RBFOX1: variants seen among roughly 807,000 people sequenced by gnomAD.
RBFOX1 encodes RNA binding fox-1 homolog 1.
A neutral mutation model predicts 57.7 loss-of-function variants in RBFOX1; 8 were observed. The observed-to-expected ratio is 0.14, with a 90% confidence interval of 0.08 to 0.25. The LOEUF (loss-of-function observed/expected upper bound fraction) is 0.25, where lower values mean the gene tolerates loss of function less well. RBFOX1 is among the 10% of genes least tolerant of loss of function. The probability of loss-of-function intolerance (pLI) is 1.00; values close to 1 mark genes in which losing one functional copy is unlikely to be tolerated. For synonymous variants in RBFOX1, 326 were observed against 222.4 expected, an observed-to-expected ratio of 1.47 and a Z score of -4.15; for missense variants, 611 against 548.5, an observed-to-expected ratio of 1.11 and a Z score of -1.14.
chr16:7,168,247 T>C (rs2079968799), intron 4 of RBFOX1, among the ~76,000 whole-genome samples: 1 of 152,304 alleles, frequency 6.6e-6, no homozygotes, highest in African/African-American at 2.4e-5. Context: ...TGGTTTGATC[T>C]AGAATTTTTG....
intron 12 of RBFOX1, among the ~76,000 whole-genome samples, chr16:7,664,296 C>T (rs1298385201): frequency 6.6e-6 from 1 of 152,192 alleles, no homozygotes; most frequent in Non-Finnish European, 1.5e-5. Context: ...GCACAGAAAA[C>T]ACATTCTTGC....
intron 2 of RBFOX1, among the ~76,000 whole-genome samples, chr16:6,414,066 C>T (rs186128598): frequency 6.3e-4 from 96 of 152,252 alleles, no homozygotes; most frequent in Middle Eastern, 6.8e-3. Context: ...CAGAGAGTGC[C>T]AAGAACACCC....
rs374333646 is a variant in RBFOX1, at chr16:6,780,302, CATAT to C, written c.-16+125659_-16+125662del. Reference sequence around the variant, plus strand: ...ATATTTATACATATATATATTTATACATATATATATTTATTCATATTTATATATA... The same window carrying C: ...ATATTTATACATATATATATTTATACATATATTTATTCATATTTATATATA... On this transcript the variant is annotated intron_variant, in intron 3 of 15. Transcript: ENST00000550418. Among the ~76,000 whole-genome samples the C allele has an allele frequency of 1.4e-3, 108 of 78,480 alleles. 3 individuals carry two copies. The Admixed American group carries it at 0.023, about 17-fold the overall frequency. The allele number at this position is 78,480 out of a possible 152,430, so 51.5% of individuals were successfully genotyped here. A position where few individuals can be genotyped will look rare whatever the true frequency, so the allele number is the denominator to read the frequency against.
chr16:6,250,174 GC>G (rs1410890769), intron 1 of RBFOX1, among the ~76,000 whole-genome samples: 1 of 152,124 alleles, frequency 6.6e-6, no homozygotes, highest in Non-Finnish European at 1.5e-5. Context: ...TTAGTTGCTT[GC>G]TTTCACCAGG....
At chr16:6,850,493 C>T (rs117802813) in intron 3 of RBFOX1, among the ~76,000 whole-genome samples, 1,738 of 151,958 alleles carry the variant, frequency 0.011, 22 homozygotes, top group Non-Finnish European at 0.019. Flanking sequence ...GCCTAAGGTA[C>T]AATAAGAGAA....
At chr16:6,751,308 G>C (rs1021276411) in intron 3 of RBFOX1, among the ~76,000 whole-genome samples, 2 of 152,142 alleles carry the variant, frequency 1.3e-5, no homozygotes, top group Non-Finnish European at 1.5e-5. Context: ...AGTGGTACGG[G>C]AGAGAAATGA....
At chr16:5,897,766 C>G (rs1253001538) in intron 4 of RBFOX1, among the ~76,000 whole-genome samples, 1 of 152,020 alleles carries the variant, frequency 6.6e-6, no homozygotes. Flanking sequence ...CTGATCATAG[C>G]CACATGTAAG....
intron 2 of RBFOX1, among the ~76,000 whole-genome samples, chr16:6,482,719 G>T (rs1453143839): frequency 6.6e-6 from 1 of 152,194 alleles, no homozygotes; most frequent in Non-Finnish European, 1.5e-5. Context: ...GATGAAATAG[G>T]ATGAAAGCCT....
chr16:6,911,560 C>A (rs981176516), intron 3 of RBFOX1, among the ~76,000 whole-genome samples: 1 of 152,158 alleles, frequency 6.6e-6, no homozygotes, highest in East Asian at 1.9e-4. Flanking sequence ...TCATATTGAA[C>A]TATGACCCAT....
chr16:5,243,302 A>C (rs1046848170), intron 1 of RBFOX1, among the ~76,000 whole-genome samples: 2 of 152,132 alleles, frequency 1.3e-5, no homozygotes, highest in African/African-American at 4.8e-5. Context: ...GTAATAACTC[A>C]CTGGAGTCAC....
At chr16:6,502,651 G>C (rs977638482) in intron 2 of RBFOX1, among the ~76,000 whole-genome samples, 1 of 152,090 alleles carries the variant, frequency 6.6e-6, no homozygotes, top group South Asian at 2.1e-4. Context: ...GCAAGTGTTT[G>C]TATGTGGAAC....
chr16:5,744,045 T>C (rs941869512), intron 3 of RBFOX1, among the ~76,000 whole-genome samples: 2 of 152,144 alleles, frequency 1.3e-5, no homozygotes, highest in African/African-American at 2.4e-5. Context: ...TTCTTCATCA[T>C]GTCACCAAGG....
chr16:7,233,261 T>G (rs1319764838), intron 4 of RBFOX1, among the ~76,000 whole-genome samples: 1 of 152,010 alleles, frequency 6.6e-6, no homozygotes, highest in Admixed American at 6.5e-5. Flanking sequence ...TTTGACTGTT[T>G]CTAAGCTGGC....
chr16:7,324,043 T>C (rs151202679), intron 4 of RBFOX1, among the ~76,000 whole-genome samples: 44 of 152,270 alleles, frequency 2.9e-4, no homozygotes, highest in African/African-American at 9.6e-4. Context: ...TGTTTTGTTT[T>C]CTTCTTTACA....
At chr16:7,555,770 A>C (rs1601713817) in intron 5 of RBFOX1, among the ~76,000 whole-genome samples, 1 of 152,126 alleles carries the variant, frequency 6.6e-6, no homozygotes. Flanking sequence ...TCAAATTGTG[A>C]TTCAAATGTC....
chr16:6,893,900 C>A (rs2066125102), intron 3 of RBFOX1, among the ~76,000 whole-genome samples: 1 of 152,112 alleles, frequency 6.6e-6, no homozygotes, highest in East Asian at 1.9e-4. Flanking sequence ...TCAGCTGTCA[C>A]ACATAGAGGG....
At chr16:7,175,187 C>G (rs570027734) in intron 4 of RBFOX1, among the ~76,000 whole-genome samples, 5 of 152,160 alleles carry the variant, frequency 3.3e-5, no homozygotes, top group South Asian at 4.2e-4. Flanking sequence ...TTTCCTAATA[C>G]TCTTCCTCCT....
chr16:6,616,298 C>G (rs1471213880), intron 2 of RBFOX1, among the ~76,000 whole-genome samples: 4 of 151,990 alleles, frequency 2.6e-5, no homozygotes, highest in Non-Finnish European at 2.9e-5. Flanking sequence ...TAGTTATATG[C>G]TATATTACAT....
intron 1 of RBFOX1, among the ~76,000 whole-genome samples, chr16:5,367,585 T>C (rs1244753400): frequency 6.6e-6 from 1 of 152,226 alleles, no homozygotes; most frequent in African/African-American, 2.4e-5. Flanking sequence ...TACTATTACT[T>C]CATTATCTTA....
Sources: allele counts gnomAD v4.1 joint callset (sites outside exome capture counted in the v4.1 genomes callset), GRCh38; gene constraint gnomAD v4.1.1; transcripts MANE v1.5; gene names NCBI Gene and HGNC (gene_info 2026-07-23, HGNC 2026-07-21).